Variants in SETDB2 observed in about 807,000 individuals in gnomAD.
SETDB2 encodes the protein SET domain bifurcated histone lysine methyltransferase 2.
A neutral mutation model predicts 82.5 loss-of-function variants in SETDB2; 56 were observed. The observed-to-expected ratio is 0.68, with a 90% CI of 0.55 to 0.85. The LOEUF is 0.85. Among genes scored for constraint, SETDB2 ranks in the 40% least tolerant of loss-of-function variants. SETDB2 has a pLI of 0.00. For synonymous variants in SETDB2, 272 were observed against 284.9 expected (o/e 0.95, Z 0.46); for missense variants, 677 against 816.4 (o/e 0.83, Z 2.08).
intron 6 of SETDB2, among the ~76,000 whole-genome samples, chr13:49,479,387 A>G (rs1958433029): frequency 6.6e-6 from 1 of 152,234 alleles, no homozygotes; most frequent in African/African-American, 2.4e-5. Context: ...CACATGGGAA[A>G]GAACAATTAT....
In SETDB2 at chr13:49,492,593, G is replaced by GT; in HGVS notation, c.*744_*745insT. On this transcript the variant is annotated 3_prime_UTR_variant, in exon 14 of 14. Transcript: ENST00000611815. ...AGATAGAGATACAGTTACTGAAAAGGAAACCTAGAAAGTAGTCACACGTTG... is the reference window on the plus strand; with the variant it reads ...AGATAGAGATACAGTTACTGAAAAGGTAAACCTAGAAAGTAGTCACACGTTG... The GT allele has an allele frequency of 6.6e-6, 1 of 152,304 alleles. No individual in the cohort carries two copies. The highest frequency in any genetic ancestry group is 1.9e-4 in the East Asian group (1 of 5,196). The allele number at this position is 152,304 out of a possible 1,614,324, so 9.4% of individuals were successfully genotyped here.
rs34496594 is a variant in SETDB2, at chr13:49,445,936, CAAAA to C, written c.-342+1092_-342+1095del. 17 of 130,696 alleles carry C rather than the reference CAAAA, an allele frequency of 1.3e-4. No individual in the cohort carries two copies. The South Asian group carries it at 3.4e-3, about 26-fold the overall frequency. The allele number at this position is 130,696 out of a possible 1,614,324, so 8.1% of individuals were successfully genotyped here. ...CTGGTGACAGAGCGAGACTCCGTCT[CAAAA>C]AAAAAAAAAAAATCTATGGCCGTGC... On this transcript the variant is annotated intron_variant, in intron 1 of 13. Coordinates refer to ENST00000611815, the MANE Select transcript of SETDB2 (RefSeq NM_001160308.3).
intron 11 of SETDB2, 35 bp from the exon 12 acceptor site, chr13:49,488,255 T>A: frequency 1.3e-6 from 2 of 1,536,418 alleles, no homozygotes; most frequent in Non-Finnish European, 1.7e-6. Flanking sequence ...TCAGCAAGTA[T>A]ATTTCCTGAT....
intron 11 of SETDB2, 71 bp downstream of exon 11, chr13:49,485,794 G>C (rs1273960810): frequency 8.3e-7 from 1 of 1,211,140 alleles, no homozygotes; most frequent in African/African-American, 1.5e-5. Flanking sequence ...AATACCTGTA[G>C]CTCATTTTCT....
intron 8 of SETDB2, chr13:49,482,017 C>T (rs1449181647): frequency 2.9e-5 from 28 of 977,710 alleles, no homozygotes; most frequent in Non-Finnish European, 3.4e-5. Flanking sequence ...ATCCCTGCCA[C>T]TCCCCATTTA....
chr13:49,480,366 G>A (rs1412269509), intron 7 of SETDB2, 31 bp downstream of exon 7: 1 of 1,372,236 alleles, frequency 7.3e-7, no homozygotes, highest in Non-Finnish European at 1.0e-6. Context: ...GTTGCAGGGT[G>A]TGTATATCTT....
Position 49,491,960 on chromosome 13 carries a change from G to A in SETDB2, c.*111G>A, listed in dbSNP as rs1379912474. 6.4e-6 allele frequency: 5 copies of A among 785,794 alleles called. No individual in the cohort carries two copies. Among genetic ancestry groups the A allele is most frequent in the Admixed American group, 1.8e-5 (1 of 55,940 alleles). The allele number at this position is 785,794 out of a possible 1,614,324, so 48.7% of individuals were successfully genotyped here. ...ATTCCCCTCCGTTTTCCTTTGTCAT[G>A]GGGTTTATGTTTTATTTCAGATTTT... On this transcript the variant is annotated 3_prime_UTR_variant, in exon 14 of 14. Coordinates refer to ENST00000611815, the MANE Select transcript of SETDB2 (RefSeq NM_001160308.3).
intron 8 of SETDB2, 49 bp downstream of exon 8, chr13:49,481,165 T>C (rs1958468735): frequency 1.3e-6 from 2 of 1,559,728 alleles, no homozygotes; most frequent in Non-Finnish European, 8.8e-7. Context: ...AATCCACTTT[T>C]CTAAATATCC....
chr13:49,480,471 A>T (rs1566171701), intron 7 of SETDB2, 136 bp downstream of exon 7: 1 of 598,254 alleles, frequency 1.7e-6, no homozygotes, highest in Non-Finnish European at 2.9e-6. Flanking sequence ...TTATTAAGGA[A>T]TAAAAATCCT....
Position 49,494,950 on chromosome 13 carries a change from A to G in SETDB2, c.*3101A>G, listed in dbSNP as rs906463143. The G allele has an allele frequency of 3.3e-5, 5 of 151,992 alleles. No homozygotes were observed. Among genetic ancestry groups the G allele is most frequent in the Admixed American group, 6.5e-5 (1 of 15,280 alleles). 9.4% of individuals were successfully genotyped at this position (151,992 alleles called of 1,614,324 possible). A position where few individuals can be genotyped will look rare whatever the true frequency, so the allele number is the denominator to read the frequency against. The stretch of plus-strand genomic sequence containing the variant: ...AGATTCACTGAAAACCTCATCTTGT[A>G]TGGTGCTCTGTACCCTATGGGTGCT... On this transcript the variant is annotated 3_prime_UTR_variant, in exon 14 of 14. Coordinates refer to ENST00000611815, the MANE Select transcript of SETDB2 (RefSeq NM_001160308.3).
chr13:49,473,133 G>A (rs573212058), intron 5 of SETDB2, among the ~76,000 whole-genome samples: 118 of 152,242 alleles, frequency 7.8e-4, no homozygotes, highest in African/African-American at 2.8e-3. Flanking sequence ...GGATAACCCA[G>A]ATACTTTCTC....
intron 2 of SETDB2, among the ~76,000 whole-genome samples, chr13:49,455,657 G>A (rs1268275760): frequency 6.6e-6 from 1 of 152,000 alleles, no homozygotes; most frequent in African/African-American, 2.4e-5. Flanking sequence ...TCATTAGCAA[G>A]AAATATTGTT....
rs1357773002 is a variant in SETDB2 at position 49,488,406 on chromosome 13, G to T, written c.1693G>T (p.Ala565Ser). Residue 565 changes from alanine to serine, a missense_variant, in exon 12 of 14, where the codon GCG (alanine) becomes TCG (serine). Coordinates refer to ENST00000611815, the MANE Select transcript of SETDB2 (RefSeq NM_001160308.3). Reference protein sequence around the residue: ...ETPPRSRCNQATTLDNQNIKK... With the variant: ...ETPPRSRCNQSTTLDNQNIKK... ...TCCACCAAGGAGCAGATGTAACCAGGCGACCACATTGGATAATCAGAATAT... is the reference window on the plus strand; with the variant it reads ...TCCACCAAGGAGCAGATGTAACCAGTCGACCACATTGGATAATCAGAATAT... 1.9e-6 allele frequency: 3 copies of T among 1,614,014 alleles called. No homozygotes were observed. The highest frequency in any genetic ancestry group is 1.7e-6 in the Non-Finnish European group (2 of 1,179,984).
chr13:49,477,526 A>G (rs891854165), intron 6 of SETDB2, among the ~76,000 whole-genome samples: 24 of 152,236 alleles, frequency 1.6e-4, no homozygotes, highest in African/African-American at 5.5e-4. Context: ...TTATTTGCCA[A>G]ATATGGTAAT....
At chr13:49,450,700 T>G (rs1957768385) in intron 1 of SETDB2, among the ~76,000 whole-genome samples, 1 of 152,046 alleles carries the variant, frequency 6.6e-6, no homozygotes, top group Admixed American at 6.5e-5. Context: ...TATATATATT[T>G]TAAATCTCCT....
rs977485784 is a variant in SETDB2, at chr13:49,468,645, T to G, written c.305+685T>G. On this transcript the variant is annotated intron_variant, in intron 5 of 13. Transcript: ENST00000611815. Reference sequence around the variant, plus strand: ...CCTAATTTCATTTGTTCTTTCAGCTTAATATTAAATTGACTAAGAAAAACT... The same window carrying G: ...CCTAATTTCATTTGTTCTTTCAGCTGAATATTAAATTGACTAAGAAAAACT... Among the ~76,000 whole-genome samples the G allele has an allele frequency of 2.6e-4, 39 of 149,040 alleles. 1 individual carries two copies. Among genetic ancestry groups the G allele is most frequent in the African/African-American group, 9.7e-4 (39 of 40,158 alleles).
intron 2 of SETDB2, among the ~76,000 whole-genome samples, chr13:49,455,421 C>T (rs555199794): frequency 1.3e-5 from 2 of 152,082 alleles, no homozygotes; most frequent in Non-Finnish European, 2.9e-5. Flanking sequence ...GATCTTTTAC[C>T]ATGTATGATT....
At position 49,490,879 on chromosome 13, in the gene SETDB2, A is replaced by G. The variant is rs371126870; in HGVS notation, c.1975A>G (p.Asn659Asp). ...TGTTTTTGTAGAAACACACAACAGG[A>G]ATTTTCCATTGGTGGCATTCTTCAC... ...QNVFVETHNR[N>D]FPLVAFFTNR... The change falls in exon 13 of 14, where the codon AAT (asparagine) becomes GAT (aspartate). Residue 659 changes from asparagine (N) to aspartate (D), a missense_variant. Asn to Asp is a conservative substitution (Grantham distance 23, BLOSUM62 1). Coordinates refer to ENST00000611815, the MANE Select transcript of SETDB2 (RefSeq NM_001160308.3). 7.4e-6 allele frequency: 12 copies of G among 1,613,500 alleles called. No homozygotes were observed. In the African/African-American group the frequency reaches 1.2e-4, roughly 16 times the overall value.
At chr13:49,461,300 C>A (rs1957987665) in intron 4 of SETDB2, 138 bp downstream of exon 4, 1 of 590,812 alleles carries the variant, frequency 1.7e-6, no homozygotes, top group Non-Finnish European at 2.9e-6. Flanking sequence ...TTACATAAAT[C>A]ACAGTTTCCT....
Sources: allele counts gnomAD v4.1 joint callset (sites outside exome capture counted in the v4.1 genomes callset), GRCh38; gene constraint gnomAD v4.1.1; transcripts MANE v1.5; gene names NCBI Gene and HGNC (gene_info 2026-07-23, HGNC 2026-07-21).